The following CSE1L variants were observed in gnomAD, a reference collection of about 807,000 sequenced individuals.
The protein encoded by CSE1L is exportin-2.
Under a neutral mutation model 120.4 loss-of-function variants are expected in CSE1L, and 24 were observed. The ratio of observed to expected loss-of-function variants is 0.20; its 90% CI spans 0.14 to 0.28. CSE1L has a LOEUF of 0.28. Among genes scored for constraint, CSE1L ranks in the 10% least tolerant of loss-of-function variants. The pLI, the probability that CSE1L is intolerant of heterozygous loss-of-function variation, is 1.00. For synonymous variants in CSE1L, 402 were observed against 398.3 expected, an observed-to-expected ratio of 1.01 and a Z score of -0.11; for missense variants, 830 against 1,145.2, an observed-to-expected ratio of 0.72 and a Z score of 3.97.
chr20:49,078,677 T>C (rs1342248346), intron 14 of CSE1L, 55 bp downstream of exon 14: 3 of 1,157,038 alleles, frequency 2.6e-6, no homozygotes, highest in East Asian at 2.6e-5. Flanking sequence ...AGTTTTATTA[T>C]GTACCACCTT....
intron 14 of CSE1L, 63 bp from the exon 15 acceptor site, chr20:49,083,963 A>G (rs1046454361): frequency 4.0e-6 from 6 of 1,499,150 alleles, no homozygotes; most frequent in East Asian, 4.6e-5. Context: ...TTCTCTTCCA[A>G]TTGTCTTTTA....
rs1216271447 is a variant in CSE1L, at chr20:49,096,451, T to C, written c.*13T>C. The C allele has an allele frequency of 3.8e-6, 6 of 1,594,864 alleles. No homozygotes were observed. Among genetic ancestry groups the C allele is most frequent in the Non-Finnish European group, 5.2e-6 (6 of 1,162,370 alleles). On this transcript the variant is annotated 3_prime_UTR_variant, in exon 25 of 25. Coordinates refer to ENST00000262982, the MANE Select transcript of CSE1L (RefSeq NM_001316.4). ...GACACTGCTTTAAACTGCATTTTTC[T>C]AATGGGCTAAACCCAGATGGTTTCC...
At chr20:49,061,997 A>G (rs1464585233) in intron 2 of CSE1L, among the ~76,000 whole-genome samples, 1 of 152,176 alleles carries the variant, frequency 6.6e-6, no homozygotes, top group African/African-American at 2.4e-5. Flanking sequence ...GCATGTGAAT[A>G]TTGTGATAAG....
chr20:49,057,226 T>TA, intron 1 of CSE1L, among the ~76,000 whole-genome samples: 1 of 152,152 alleles, frequency 6.6e-6, no homozygotes, highest in East Asian at 1.9e-4. Flanking sequence ...ATAAGCATAT[T>TA]ATGTGATTTA....
intron 14 of CSE1L, 56 bp downstream of exon 14, chr20:49,078,678 G>A: frequency 1.7e-6 from 2 of 1,151,006 alleles, no homozygotes; most frequent in African/African-American, 1.6e-5. Flanking sequence ...GTTTTATTAT[G>A]TACCACCTTC....
intron 21 of CSE1L, among the ~76,000 whole-genome samples, 162 bp from the exon 22 acceptor site, chr20:49,091,884 G>C (rs2092104439): frequency 6.6e-6 from 1 of 152,164 alleles, no homozygotes; most frequent in Non-Finnish European, 1.5e-5. Flanking sequence ...GCATGTAAAG[G>C]TCTATGACAG....
chr20:49,075,845 A>G (rs1184690548), intron 12 of CSE1L, among the ~76,000 whole-genome samples: 3 of 152,060 alleles, frequency 2.0e-5, no homozygotes, highest in Non-Finnish European at 4.4e-5. Context: ...ACATTTTTAT[A>G]TTTTTGAGAT....
intron 8 of CSE1L, among the ~76,000 whole-genome samples, chr20:49,071,651 A>AT (rs1032845543): frequency 4.0e-5 from 6 of 151,738 alleles, no homozygotes; most frequent in Non-Finnish European, 7.4e-5. Context: ...TGCCCAGCTG[A>AT]TTTTTTTTAT....
chr20:49,094,278 C>T lies in CSE1L; in HGVS notation c.2586C>T (p.Thr862=), dbSNP rs200756398. Reference sequence around the variant, plus strand: ...CCCCAATGATGGACACTGAGTATACCAAACTGTGGTAAGTACTTCATTTTA... The same window carrying T: ...CCCCAATGATGGACACTGAGTATACTAAACTGTGGTAAGTACTTCATTTTA... ...ECPPMMDTEY[T]KLWTPLLQSL... is the part of the protein sequence containing the mutation. The change falls in exon 23 of 25, where the codon ACC becomes ACT. Residue 862 remains threonine, a synonymous_variant. Transcript: ENST00000262982. The T allele has an allele frequency of 6.2e-7, 1 of 1,609,562 alleles. No individual in the cohort carries two copies. The highest frequency in any genetic ancestry group is 1.3e-5 in the African/African-American group (1 of 74,730).
intron 8 of CSE1L, among the ~76,000 whole-genome samples, chr20:49,071,089 G>T (rs1057205085): frequency 4.6e-4 from 70 of 151,956 alleles, no homozygotes; most frequent in African/African-American, 1.6e-3. Flanking sequence ...ATATATTTAT[G>T]ACCTTCTTTC....
Position 49,089,319 on chromosome 20 carries a change from G to C in CSE1L, c.1894G>C (p.Ala632Pro). ...TTTATCCATAAGAATAACTTGCAAAGCTAACCCTGCTGCTGTTGTAAATTT... is the reference window on the plus strand; with the variant it reads ...TTTATCCATAAGAATAACTTGCAAACCTAACCCTGCTGCTGTTGTAAATTT... ...ICLSIRITCKANPAAVVNFEE... is the reference protein window; with the variant it reads ...ICLSIRITCKPNPAAVVNFEE... Residue 632 changes from alanine (A) to proline (P), a missense_variant, in exon 18 of 25, where the codon GCT (alanine) becomes CCT (proline). By Grantham distance (27) the Ala-to-Pro change is conservative. This residue lies in a region of CSE1L where 168 missense variants were observed against 267.9 expected (regional missense o/e 0.63). Transcript: ENST00000262982. 2.5e-6 allele frequency: 4 copies of C among 1,613,280 alleles called. No individual in the cohort carries two copies. The highest frequency in any genetic ancestry group is 3.4e-6 in the Non-Finnish European group (4 of 1,179,798).
chr20:49,047,365 C>T (rs1600576839), intron 1 of CSE1L, among the ~76,000 whole-genome samples: 2 of 152,050 alleles, frequency 1.3e-5, no homozygotes, highest in Non-Finnish European at 2.9e-5. Flanking sequence ...ACCCATCTTT[C>T]TCCTTAGCCA....
chr20:49,077,955 G>C (rs1421427175), intron 13 of CSE1L, among the ~76,000 whole-genome samples: 5 of 152,172 alleles, frequency 3.3e-5, no homozygotes, highest in East Asian at 3.9e-4. Context: ...AGTGAGCCGA[G>C]ATCGTGCCAC....
intron 16 of CSE1L, among the ~76,000 whole-genome samples, chr20:49,086,209 T>C (rs542206465): frequency 6.6e-6 from 1 of 152,166 alleles, no homozygotes; most frequent in South Asian, 2.1e-4. Context: ...GCACATTGGG[T>C]TGTAGGAAGC....
At chr20:49,076,570 TC>T (rs1399544418) in intron 12 of CSE1L, among the ~76,000 whole-genome samples, 1 of 129,142 alleles carries the variant, frequency 7.7e-6, no homozygotes, top group East Asian at 2.8e-4. Flanking sequence ...TGCTCTGTCA[TC>T]CAGGCTGGAA....
intron 10 of CSE1L, among the ~76,000 whole-genome samples, chr20:49,074,208 T>C (rs946696059): frequency 7.3e-5 from 9 of 123,690 alleles, no homozygotes; most frequent in African/African-American, 2.9e-4. Flanking sequence ...TGTGTGTGTG[T>C]GTGTGTGTGT....
In CSE1L at chr20:49,094,934, C is replaced by T. The variant is rs760732180; in HGVS notation, c.2797C>T (p.His933Tyr). The change falls in exon 24 of 25, where the codon CAC (histidine) becomes TAC (tyrosine). Residue 933 changes from histidine (H) to tyrosine (Y), a missense_variant. Transcript: ENST00000262982. The part of the protein sequence containing the change: ...NPKIHLAQSL[H>Y]KLSTACPGRV... ...CAAAATTCACCTGGCACAGTCACTT[C>T]ACAAGTTGTCTACCGCCTGTCCAGG... 6.2e-7 allele frequency: 1 copy of T among 1,614,126 alleles called. No individual in the cohort carries two copies. The highest frequency in any genetic ancestry group is 8.5e-7 in the Non-Finnish European group (1 of 1,180,006).
rs1285496211 is a variant in CSE1L at position 49,077,989 on chromosome 20, G to A, written c.1421-572G>A. On this transcript the variant is annotated intron_variant, in intron 13 of 24. Coordinates refer to ENST00000262982, the MANE Select transcript of CSE1L (RefSeq NM_001316.4). ...ACTGCACTCTAGCCTGGGATACAGA[G>A]CGAGACTCTGTCTCAAAAAAAAAAA... Among the ~76,000 whole-genome samples the A allele has an allele frequency of 2.0e-5, 3 of 152,140 alleles. No homozygotes were observed. The East Asian group carries it at 5.8e-4, about 29-fold the overall frequency.
At chr20:49,094,685 C>A (rs376836088) in intron 23 of CSE1L, 47 bp from the exon 24 acceptor site, 28 of 1,343,962 alleles carry the variant, frequency 2.1e-5, no homozygotes, top group Non-Finnish European at 2.9e-5. Flanking sequence ...TTTAAGTCTT[C>A]CGAGTATTTT....
Sources: gnomAD v4.1 joint callset for allele counts (sites outside exome capture counted in the v4.1 genomes callset) on GRCh38, gnomAD v4.1.1 for gene constraint, gnomAD v4.1.1 regional missense constraint, MANE v1.5 for transcripts, NCBI Gene and HGNC (gene_info 2026-07-23, HGNC 2026-07-21) for gene names.